Variants in EXOC6B observed in about 807,000 individuals in gnomAD.
EXOC6B encodes the protein exocyst complex component 6B.
In EXOC6B, 54 loss-of-function variants were observed where a neutral mutation model predicts 113.5. That is an observed-to-expected ratio of 0.48 (90% CI 0.38 to 0.60). EXOC6B has a LOEUF of 0.60. EXOC6B is among the 20% of genes least tolerant of loss of function. EXOC6B has a pLI of 0.00. For missense variants in EXOC6B, 797 were observed against 977.5 expected (o/e 0.82, Z 2.46); for synonymous variants, 357 against 339.0 (o/e 1.05, Z -0.58).
intron 18 of EXOC6B, among the ~76,000 whole-genome samples, chr2:72,398,687 A>C (rs1692920558): frequency 7.1e-6 from 1 of 141,794 alleles, no homozygotes; most frequent in Non-Finnish European, 1.5e-5. Flanking sequence ...ACAGAGCGAG[A>C]CTCTATCTCA....
chr2:72,375,402 A>G (rs910531637), intron 19 of EXOC6B, among the ~76,000 whole-genome samples: 3 of 152,274 alleles, frequency 2.0e-5, no homozygotes, highest in South Asian at 4.1e-4. Context: ...TAGACCATAT[A>G]CTGGGTCATA....
At chr2:72,234,267 G>A (rs1016044183) in intron 20 of EXOC6B, among the ~76,000 whole-genome samples, 30 of 151,924 alleles carry the variant, frequency 2.0e-4, no homozygotes, top group African/African-American at 6.8e-4. Flanking sequence ...TGTATTTTTA[G>A]TAGAGACGGG....
chr2:72,435,485 G>C (rs1695796845), intron 18 of EXOC6B, among the ~76,000 whole-genome samples: 1 of 152,150 alleles, frequency 6.6e-6, no homozygotes. Flanking sequence ...TTGTTGATCT[G>C]TCTAATAGTT....
chr2:72,410,798 C>A (rs114015867), intron 18 of EXOC6B, among the ~76,000 whole-genome samples: 1 of 151,830 alleles, frequency 6.6e-6, no homozygotes, highest in Non-Finnish European at 1.5e-5. Context: ...AACATTTATA[C>A]CTACTTTATA....
chr2:72,301,200 G>T (rs1417835864), intron 20 of EXOC6B, among the ~76,000 whole-genome samples: 1 of 152,190 alleles, frequency 6.6e-6, no homozygotes, highest in East Asian at 1.9e-4. Flanking sequence ...AAGCCTACTT[G>T]ATCATGGTGG....
At chr2:72,412,422 T>G (rs1694243167) in intron 18 of EXOC6B, among the ~76,000 whole-genome samples, 1 of 152,152 alleles carries the variant, frequency 6.6e-6, no homozygotes, top group African/African-American at 2.4e-5. Context: ...GCATAGTCAT[T>G]GCAAGTCATA....
At chr2:72,307,094 T>C (rs1395443360) in intron 20 of EXOC6B, among the ~76,000 whole-genome samples, 5 of 152,164 alleles carry the variant, frequency 3.3e-5, no homozygotes, top group African/African-American at 1.2e-4. Flanking sequence ...TTTTAAATAC[T>C]CAAGTCTCAT....
chr2:72,653,444 A>G (rs1408631956), intron 6 of EXOC6B, among the ~76,000 whole-genome samples: 1 of 146,566 alleles, frequency 6.8e-6, no homozygotes, highest in African/African-American at 2.5e-5. Context: ...ATTAGGAGAT[A>G]TACCTAATGC....
chr2:72,824,957 G>A (rs922940906), intron 1 of EXOC6B, among the ~76,000 whole-genome samples: 1 of 152,166 alleles, frequency 6.6e-6, no homozygotes, highest in Non-Finnish European at 1.5e-5. Context: ...ACCTATCTGT[G>A]CCCTGTCTGT....
At chr2:72,805,147 A>G (rs970085531) in intron 1 of EXOC6B, among the ~76,000 whole-genome samples, 2 of 152,224 alleles carry the variant, frequency 1.3e-5, no homozygotes, top group Admixed American at 6.5e-5. Flanking sequence ...CCTGGTGCCT[A>G]GTTTGTCAAA....
intron 1 of EXOC6B, among the ~76,000 whole-genome samples, chr2:72,807,986 C>T (rs775483634): frequency 1.3e-5 from 2 of 152,092 alleles, no homozygotes; most frequent in Non-Finnish European, 2.9e-5. Flanking sequence ...AAAGGATAAA[C>T]GCTTGAGGGG....
At chr2:72,755,321 T>C (rs1682342656) in intron 1 of EXOC6B, among the ~76,000 whole-genome samples, 1 of 152,204 alleles carries the variant, frequency 6.6e-6, no homozygotes, top group African/African-American at 2.4e-5. Context: ...TGTTTATTTG[T>C]TCATATTTTT....
At chr2:72,792,927 A>T (rs1684753301) in intron 1 of EXOC6B, among the ~76,000 whole-genome samples, 1 of 152,184 alleles carries the variant, frequency 6.6e-6, no homozygotes, top group Non-Finnish European at 1.5e-5. Context: ...ACTATTTTAC[A>T]AAGGGAATCA....
At chr2:72,451,654 C>CTGTGTGTG (rs141514102) in intron 18 of EXOC6B, among the ~76,000 whole-genome samples, 16,014 of 142,460 alleles carry the variant, frequency 0.11, 1,075 homozygotes, top group African/African-American at 0.19. Flanking sequence ...GTCTTTGTGC[C>CTGTGTGTG]TGTGTGTGTG....
intron 1 of EXOC6B, among the ~76,000 whole-genome samples, chr2:72,814,436 C>T (rs1398524989): frequency 2.0e-5 from 3 of 152,202 alleles, no homozygotes; most frequent in Non-Finnish European, 4.4e-5. Context: ...GTTCAAAGTG[C>T]ATGTCAATAT....
chr2:72,648,381 A>C (rs1026873283), intron 6 of EXOC6B, among the ~76,000 whole-genome samples: 2 of 152,238 alleles, frequency 1.3e-5, no homozygotes, highest in Non-Finnish European at 2.9e-5. Context: ...GCGATTCCTC[A>C]AGGATCTAGA....
chr2:72,749,103 G>T (rs933544758), intron 1 of EXOC6B, among the ~76,000 whole-genome samples: 1 of 152,014 alleles, frequency 6.6e-6, no homozygotes, highest in African/African-American at 2.4e-5. Context: ...GTATCTTTCA[G>T]TGGTGGTCAT....
intron 1 of EXOC6B, among the ~76,000 whole-genome samples, chr2:72,811,965 G>C (rs1685949060): frequency 6.6e-6 from 1 of 152,138 alleles, no homozygotes; most frequent in Non-Finnish European, 1.5e-5. Context: ...AAGACTGAAT[G>C]CTTTCCTTCT....
chr2:72,512,762 C>T (rs182499949), intron 11 of EXOC6B, among the ~76,000 whole-genome samples: 335 of 152,018 alleles, frequency 2.2e-3, no homozygotes, highest in Non-Finnish European at 3.3e-3. Context: ...GTTACCTAAC[C>T]TCTCTCAGGT....
Sources: gnomAD v4.1 joint callset for allele counts (sites outside exome capture counted in the v4.1 genomes callset) on GRCh38, gnomAD v4.1.1 for gene constraint, MANE v1.5 for transcripts, NCBI Gene and HGNC (gene_info 2026-07-23, HGNC 2026-07-21) for gene names.